The following ZNRF1 variants were observed in gnomAD, a reference collection of about 807,000 sequenced individuals.
The protein encoded by ZNRF1 is E3 ubiquitin-protein ligase ZNRF1.
A neutral mutation model predicts 18.4 loss-of-function variants in ZNRF1; 3 were observed. That is an observed-to-expected ratio of 0.16 (90% confidence interval 0.07 to 0.42). ZNRF1 has a LOEUF of 0.42. Ranked by LOEUF, ZNRF1 falls within the 10% of genes least tolerant of loss-of-function variation. The pLI, the probability that ZNRF1 is intolerant of heterozygous loss-of-function variation, is 0.99. For missense variants in ZNRF1, 310 were observed against 329.8 expected, an observed-to-expected ratio of 0.94 and a Z score of 0.47; for synonymous variants, 157 against 144.2, an observed-to-expected ratio of 1.09 and a Z score of -0.64.
At chr16:75,049,845 T>TTGTGTGTGTGTGTGTGTGTGTGTGTG (rs56377786) in intron 1 of ZNRF1, among the ~76,000 whole-genome samples, 10 of 149,388 alleles carry the variant, frequency 6.7e-5, no homozygotes, top group African/African-American at 2.2e-4. Context: ...ATGCACCCAT[T>TTGTGTGTGTGTGTGTGTGTGTGTGTG]TGTGTGTGTG....
chr16:75,088,050 G>C (rs2036094313), intron 1 of ZNRF1, among the ~76,000 whole-genome samples: 1 of 152,220 alleles, frequency 6.6e-6, no homozygotes, highest in Non-Finnish European at 1.5e-5. Context: ...GAATGAGTTT[G>C]CAGACCTTTG....
At chr16:75,067,102 T>G (rs1373488280) in intron 1 of ZNRF1, among the ~76,000 whole-genome samples, 1 of 152,196 alleles carries the variant, frequency 6.6e-6, no homozygotes, top group Non-Finnish European at 1.5e-5. Flanking sequence ...AGTTTGGGGC[T>G]GGGACAGCTG....
chr16:75,095,696 G>A (rs768410416), intron 2 of ZNRF1: 19 of 1,549,264 alleles, frequency 1.2e-5, no homozygotes, highest in Non-Finnish European at 1.6e-5. Flanking sequence ...GTGCTCTTGG[G>A]CCCCCATGGC....
chr16:75,015,368 C>T (rs553389821), intron 1 of ZNRF1, among the ~76,000 whole-genome samples: 2 of 152,198 alleles, frequency 1.3e-5, no homozygotes, highest in South Asian at 2.1e-4. Flanking sequence ...GAGGCCGAGG[C>T]GGTTCGAGAC....
intron 1 of ZNRF1, among the ~76,000 whole-genome samples, chr16:75,031,633 A>G (rs571809458): frequency 7.2e-5 from 11 of 152,072 alleles, no homozygotes; most frequent in African/African-American, 2.7e-4. Flanking sequence ...CAGCTTCCCA[A>G]GTAACTGGGA....
chr16:75,026,258 A>AT (rs924079723), intron 1 of ZNRF1, among the ~76,000 whole-genome samples: 73 of 149,024 alleles, frequency 4.9e-4, no homozygotes, highest in African/African-American at 1.4e-3. Flanking sequence ...AAGGTTATTT[A>AT]TTTTTTTTTT....
chr16:75,059,072 A>G (rs1270488237), intron 1 of ZNRF1, among the ~76,000 whole-genome samples: 2 of 152,140 alleles, frequency 1.3e-5, no homozygotes, highest in African/African-American at 4.8e-5. Flanking sequence ...TGCTCTAGGA[A>G]GAGCCAGAGG....
At chr16:75,050,534 A>G (rs1240524364) in intron 1 of ZNRF1, among the ~76,000 whole-genome samples, 1 of 151,062 alleles carries the variant, frequency 6.6e-6, no homozygotes, top group African/African-American at 2.4e-5. Context: ...TCAACAATCA[A>G]TCAATCGATC....
chr16:75,077,570 C>T (rs1477112708), intron 1 of ZNRF1, among the ~76,000 whole-genome samples: 1 of 152,168 alleles, frequency 6.6e-6, no homozygotes, highest in Non-Finnish European at 1.5e-5. Flanking sequence ...TTTAGAAGAA[C>T]AGCCATTTCT....
At chr16:75,091,406 A>G (rs2036138095) in intron 1 of ZNRF1, among the ~76,000 whole-genome samples, 1 of 151,906 alleles carries the variant, frequency 6.6e-6, no homozygotes, top group African/African-American at 2.4e-5. Flanking sequence ...GGTTATCACT[A>G]GTATCAATTA....
At chr16:75,028,587 G>T (rs1257461536) in intron 1 of ZNRF1, among the ~76,000 whole-genome samples, 1 of 152,252 alleles carries the variant, frequency 6.6e-6, no homozygotes, top group Non-Finnish European at 1.5e-5. Context: ...GAGCCTCTGT[G>T]CCCGGCCCCT....
chr16:75,089,094 C>T (rs958864533), intron 1 of ZNRF1, among the ~76,000 whole-genome samples: 1 of 152,020 alleles, frequency 6.6e-6, no homozygotes, highest in South Asian at 2.1e-4. Flanking sequence ...ATAATAGACA[C>T]CAACTTACTC....
chr16:75,081,787 G>T (rs564501108), intron 1 of ZNRF1, among the ~76,000 whole-genome samples: 1 of 152,020 alleles, frequency 6.6e-6, no homozygotes, highest in African/African-American at 2.4e-5. Context: ...GAAATTCTTG[G>T]GCTACTGCAC....
At chr16:75,026,347 G>A (rs1029689900) in intron 1 of ZNRF1, among the ~76,000 whole-genome samples, 2 of 152,044 alleles carry the variant, frequency 1.3e-5, no homozygotes, top group Admixed American at 6.5e-5. Flanking sequence ...GGAAACAAGA[G>A]TTTAGAATGA....
rs189496903 is a variant in ZNRF1, at chr16:75,018,623, A to C, written c.424+18528A>C. ...TATCACAAACAGCAATTTTATCAAC[A>C]GTTTTCCTTGTATTTATTCAGATGA... On this transcript the variant is annotated intron_variant, in intron 1 of 4. Transcript: ENST00000335325. Among the ~76,000 whole-genome samples, 44 of 152,124 alleles carry C rather than the reference A, an allele frequency of 2.9e-4. No homozygotes were observed. In the East Asian group the frequency reaches 7.5e-3, roughly 26 times the overall value.
intron 2 of ZNRF1, among the ~76,000 whole-genome samples, chr16:75,102,326 TC>T (rs1322316640): frequency 6.6e-6 from 1 of 152,160 alleles, no homozygotes; most frequent in African/African-American, 2.4e-5. Flanking sequence ...GTGTGTGACT[TC>T]CTTGGGCTTC....
intron 4 of ZNRF1, 30 bp from the exon 5 acceptor site, chr16:75,107,703 A>G: frequency 2.2e-6 from 1 of 456,324 alleles, no homozygotes; most frequent in Non-Finnish European, 4.4e-6. Flanking sequence ...GGCCCGATGG[A>G]GCACGACTTA....
chr16:75,021,423 C>A (rs1345685104), intron 1 of ZNRF1, among the ~76,000 whole-genome samples: 1 of 152,198 alleles, frequency 6.6e-6, no homozygotes, highest in East Asian at 1.9e-4. Flanking sequence ...CACCTGCTTG[C>A]CAACTTTTTT....
intron 1 of ZNRF1, among the ~76,000 whole-genome samples, chr16:75,018,873 A>T (rs1227081337): frequency 6.6e-6 from 1 of 152,062 alleles, no homozygotes; most frequent in Admixed American, 6.5e-5. Flanking sequence ...TTCTCTTACT[A>T]AGATTAATAA....
Sources: gnomAD v4.1 joint callset for allele counts (sites outside exome capture counted in the v4.1 genomes callset) on GRCh38, gnomAD v4.1.1 for gene constraint, MANE v1.5 for transcripts, NCBI Gene and HGNC (gene_info 2026-07-23, HGNC 2026-07-21) for gene names.